Variants in RADIL observed in about 807,000 individuals in gnomAD.
The protein encoded by RADIL is Rap associating with DIL domain, also known as ras-associating and dilute domain-containing protein.
Under a neutral mutation model 97.6 loss-of-function variants are expected in RADIL, and 99 were observed. That is an observed-to-expected ratio of 1.01 (90% CI 0.86 to 1.20). The LOEUF (loss-of-function observed/expected upper bound fraction) is 1.20. Among genes scored for constraint, RADIL ranks in the 50% most tolerant of loss-of-function variants. RADIL has a pLI of 0.00. For synonymous variants in RADIL, 803 were observed against 691.8 expected (o/e 1.16, Z -2.52); for missense variants, 1,765 against 1,498.9 (o/e 1.18, Z -2.93).
chr7:4,810,809 C>G (rs1782522559), intron 9 of RADIL, among the ~76,000 whole-genome samples: 1 of 152,196 alleles, frequency 6.6e-6, no homozygotes. Flanking sequence ...GGCTTTCTTC[C>G]TTTCAACCAT....
chr7:4,823,053 GA>G (rs1243117749), intron 5 of RADIL, among the ~76,000 whole-genome samples: 4 of 152,180 alleles, frequency 2.6e-5, no homozygotes, highest in African/African-American at 9.7e-5. Context: ...AAGGCAAAAT[GA>G]AATGCTACTT....
At chr7:4,811,766 C>T (rs913490994) in intron 9 of RADIL, among the ~76,000 whole-genome samples, 12 of 151,896 alleles carry the variant, frequency 7.9e-5, no homozygotes, top group Admixed American at 3.9e-4. Context: ...GGATTACAGG[C>T]GTGAGCCACC....
intron 9 of RADIL, chr7:4,806,180 C>CAAA: frequency 3.1e-6 from 2 of 641,746 alleles, no homozygotes; most frequent in Non-Finnish European, 3.9e-6. Context: ...GACAGAGTCT[C>CAAA]ATGCTGTCAC....
intron 13 of RADIL, 108 bp downstream of exon 13, chr7:4,800,063 A>T: frequency 1.4e-6 from 2 of 1,413,452 alleles, no homozygotes; most frequent in Non-Finnish European, 1.9e-6. Flanking sequence ...CTCCTCCCCG[A>T]AGGCCTTCCT....
chr7:4,809,011 C>T (rs1249700797), intron 9 of RADIL: 1 of 688,422 alleles, frequency 1.5e-6, no homozygotes, highest in African/African-American at 3.5e-5. Context: ...CCTTCCGACG[C>T]CACTGCCCCC....
rs974368006 is a variant in RADIL at position 4,821,467 on chromosome 7, C to T, written c.1615+927G>A. Among the ~76,000 whole-genome samples, 3 of 152,288 alleles carry T rather than the reference C, an allele frequency of 2.0e-5. No individual in the cohort carries two copies. Among genetic ancestry groups the T allele is most frequent in the East Asian group, 1.9e-4 (1 of 5,178 alleles). ...TGAGCCGAAATCCTACCCCGGCTTC[C>T]GGGCCCGGCCCCATGCCACCTTCCT... On this transcript the variant is annotated intron_variant, in intron 6 of 14. Transcript: ENST00000399583. This position sits in a 1 kb window ranked among gnomAD's most constrained non-coding sequence, Gnocchi z 5.2.
In RADIL at chr7:4,821,188, G is replaced by A. The variant is rs534733125; in HGVS notation, c.1615+1206C>T. ...GCTCTGAATGCACCACTCCCTACCCGGATCCTCCAGAAGCCAGACCGCCAC... is the reference window on the plus strand; with the variant it reads ...GCTCTGAATGCACCACTCCCTACCCAGATCCTCCAGAAGCCAGACCGCCAC... On this transcript the variant is annotated intron_variant, in intron 6 of 14. Coordinates refer to ENST00000399583, the MANE Select transcript of RADIL (RefSeq NM_018059.5). This position sits in a 1 kb window ranked among gnomAD's most constrained non-coding sequence, Gnocchi z 5.2. Among the ~76,000 whole-genome samples, 8 of 152,264 alleles carry A rather than the reference G, an allele frequency of 5.3e-5. No homozygotes were observed. Among genetic ancestry groups the A allele is most frequent in the East Asian group, 3.9e-4 (2 of 5,176 alleles).
chr7:4,799,882 G>T, intron 13 of RADIL, 113 bp from the exon 14 acceptor site: 1 of 1,393,340 alleles, frequency 7.2e-7, no homozygotes, highest in South Asian at 1.5e-5. Context: ...ATCCAGCCAG[G>T]CCCACTCATG....
At chr7:4,855,818 CAG>C (rs1265234151) in intron 2 of RADIL, among the ~76,000 whole-genome samples, 1 of 151,944 alleles carries the variant, frequency 6.6e-6, no homozygotes, top group Non-Finnish European at 1.5e-5. Flanking sequence ...ATTTTTGAGA[CAG>C]AGTCTTGCTC....
In RADIL at chr7:4,867,971, C is replaced by T. The variant is rs960601764; in HGVS notation, c.535+9634G>A. ...CCATATTGGTGAGACGGCTGTCCTG[C>T]ATTAGGCATTCGGTCATGGCTGCAG... On this transcript the variant is annotated intron_variant, in intron 2 of 14. Transcript: ENST00000399583. The surrounding 1 kb of genome is among the most constrained non-coding windows in gnomAD (Gnocchi z 4.1). Among the ~76,000 whole-genome samples, 3 of 152,224 alleles carry T rather than the reference C, an allele frequency of 2.0e-5. No homozygotes were observed. Among genetic ancestry groups the T allele is most frequent in the African/African-American group, 7.2e-5 (3 of 41,474 alleles).
chr7:4,827,362 C>CA (rs75389601), intron 5 of RADIL, among the ~76,000 whole-genome samples: 2,521 of 107,168 alleles, frequency 0.024, 61 homozygotes, highest in African/African-American at 0.069. Flanking sequence ...GAGACTGTCT[C>CA]AAAAAAAAAA....
Position 4,837,766 on chromosome 7 carries a change from A to T in RADIL, c.536-1161T>A. On this transcript the variant is annotated intron_variant, in intron 2 of 14. Transcript: ENST00000399583. The surrounding 1 kb of genome is among the most constrained non-coding windows in gnomAD (Gnocchi z 5.6). ...AAGACTTAATATCTCATAAATACAG[A>T]CACGCTCTCTAAATGCATGCTCTGG... 2.3e-6 allele frequency: 2 copies of T among 876,892 alleles called. No individual in the cohort carries two copies. Among genetic ancestry groups the T allele is most frequent in the Non-Finnish European group, 2.7e-6 (2 of 731,508 alleles). The allele number at this position is 876,892 out of a possible 1,614,324, so 54.3% of individuals were successfully genotyped here. A position where few individuals can be genotyped will look rare whatever the true frequency, so the allele number is the denominator to read the frequency against.
intron 1 of RADIL, among the ~76,000 whole-genome samples, chr7:4,882,756 T>C (rs1257224068): frequency 1.3e-5 from 2 of 152,214 alleles, no homozygotes; most frequent in Non-Finnish European, 2.9e-5. Context: ...TGCTAGCTGC[T>C]GGAGAGGAGA....
chr7:4,846,193 G>A (rs1158718097), intron 2 of RADIL, among the ~76,000 whole-genome samples: 1 of 148,164 alleles, frequency 6.7e-6, no homozygotes, highest in Non-Finnish European at 1.5e-5. Flanking sequence ...GCAGTGGTGC[G>A]ATCTTGGCTC....
At chr7:4,816,608 C>T in intron 7 of RADIL, 143 bp from the exon 8 acceptor site, 1 of 681,242 alleles carries the variant, frequency 1.5e-6, no homozygotes, top group Non-Finnish European at 2.5e-6. Context: ...CAGGCCATGG[C>T]TTTGCAAATG....
intron 10 of RADIL, 173 bp downstream of exon 10, chr7:4,805,393 T>C: frequency 1.4e-6 from 1 of 709,974 alleles, no homozygotes; most frequent in Non-Finnish European, 2.0e-6. Flanking sequence ...ATCCCCAGGT[T>C]GGGGATGGGG....
chr7:4,839,307 A>G (rs1391575860), intron 2 of RADIL, among the ~76,000 whole-genome samples: 1 of 152,268 alleles, frequency 6.6e-6, no homozygotes, highest in East Asian at 1.9e-4. Context: ...CAATCTTCTT[A>G]GTACTGATTT....
intron 2 of RADIL, among the ~76,000 whole-genome samples, chr7:4,841,587 A>T (rs80072730): frequency 0.015 from 2,266 of 152,240 alleles, 32 homozygotes; most frequent in South Asian, 0.025. Flanking sequence ...CCCCGTGTTG[A>T]TCCACTCTAG....
Position 4,813,101 on chromosome 7 carries a change from TTTC to T in RADIL, c.2139+2174_2139+2176del, listed in dbSNP as rs1448502971. On this transcript the variant is annotated intron_variant, in intron 9 of 14. Coordinates refer to ENST00000399583, the MANE Select transcript of RADIL (RefSeq NM_018059.5). This position sits in a 1 kb window ranked among gnomAD's most constrained non-coding sequence, Gnocchi z 5.0. ...CTCTCTCTCTCTCTCTCTCTCTCTC[TTTC>T]CTTTCTTTCTTTCTTTTCTTTCTTT... Among the ~76,000 whole-genome samples the T allele has an allele frequency of 5.0e-4, 74 of 148,502 alleles. 1 individual carries two copies. The highest frequency in any genetic ancestry group is 1.7e-3 in the African/African-American group (66 of 39,536).
Sources: allele counts gnomAD v4.1 joint callset (sites outside exome capture counted in the v4.1 genomes callset), GRCh38; gene constraint gnomAD v4.1.1; non-coding constraint Gnocchi (gnomAD v3.1); transcripts MANE v1.5; gene names NCBI Gene and HGNC (gene_info 2026-07-23, HGNC 2026-07-21).